WDR59: variants seen among roughly 807,000 people sequenced by gnomAD.
WDR59 encodes the protein GATOR2 complex protein WDR59.
In WDR59, 100 loss-of-function variants were observed where a neutral mutation model predicts 131.2. The observed-to-expected ratio is 0.76, with a 90% confidence interval of 0.65 to 0.90. The LOEUF (loss-of-function observed/expected upper bound fraction) is 0.90. Among genes scored for constraint, WDR59 ranks in the 40% least tolerant of loss-of-function variants. WDR59 has a pLI of 0.00. For missense variants in WDR59, 1,203 were observed against 1,262.2 expected (o/e 0.95, Z 0.71); for synonymous variants, 601 against 466.2 (o/e 1.29, Z -3.72).
chr16:74,909,831 C>G lies in WDR59; in HGVS notation c.1476G>C (p.Glu492Asp), dbSNP rs779702271. Residue 492 changes from glutamate (E) to aspartate (D), a missense_variant, in exon 15 of 26, where the codon GAG (glutamate) becomes GAC (aspartate). Transcript: ENST00000262144. ...GTTTCATGCTTCCCACCACAAAGGA[C>G]TCAAGGCAGGAGACGAGCTGGCGCA... is the stretch of plus-strand genomic sequence containing the variant. The part of the protein sequence containing the change: ...PCLRQLVSCL[E>D]SFVNQEDSAS... The G allele has an allele frequency of 1.2e-6, 2 of 1,612,166 alleles. No individual in the cohort carries two copies. Among genetic ancestry groups the G allele is most frequent in the Non-Finnish European group, 1.7e-6 (2 of 1,179,916 alleles).
chr16:74,959,428 C>G, intron 2 of WDR59: 2 of 387,762 alleles, frequency 5.2e-6, no homozygotes, highest in South Asian at 3.6e-5. Context: ...ATCTCAGTCA[C>G]CGGAGGAAAC....
intron 1 of WDR59, among the ~76,000 whole-genome samples, chr16:74,983,161 A>G (rs1285814180): frequency 6.6e-6 from 1 of 152,166 alleles, no homozygotes; most frequent in Non-Finnish European, 1.5e-5. Flanking sequence ...TGGGCAACAC[A>G]AAGAGACTCT....
intron 8 of WDR59, among the ~76,000 whole-genome samples, chr16:74,932,752 G>A (rs756509555): frequency 6.6e-6 from 1 of 152,156 alleles, no homozygotes; most frequent in Non-Finnish European, 1.5e-5. Context: ...GACTCCCAAA[G>A]TGCTGGGATT....
intron 25 of WDR59, among the ~76,000 whole-genome samples, chr16:74,885,296 C>T (rs1175615132): frequency 6.6e-6 from 1 of 151,550 alleles, no homozygotes; most frequent in East Asian, 1.9e-4. Flanking sequence ...ACTAAAAGCA[C>T]AAAAATTAGC....
chr16:74,954,216 T>C (rs886856040), intron 3 of WDR59, among the ~76,000 whole-genome samples: 5 of 151,966 alleles, frequency 3.3e-5, no homozygotes, highest in South Asian at 2.1e-4. Flanking sequence ...TGAGACCAGC[T>C]GGACCAACAC....
At chr16:74,944,884 G>C (rs1173748776) in intron 6 of WDR59, among the ~76,000 whole-genome samples, 1 of 152,148 alleles carries the variant, frequency 6.6e-6, no homozygotes, top group Non-Finnish European at 1.5e-5. Context: ...CCAGCACTTT[G>C]GGAGGCCGAG....
rs943862614 is a variant in WDR59 at position 74,888,388 on chromosome 16, A to T, written c.2196-69T>A. The T allele has an allele frequency of 1.4e-5, 21 of 1,492,482 alleles. No homozygotes were observed. In the African/African-American group the frequency reaches 2.4e-4, roughly 17 times the overall value. 92.5% of individuals were successfully genotyped at this position (1,492,482 alleles called of 1,614,324 possible). On this transcript the variant is annotated intron_variant, in intron 21 of 25. Coordinates refer to ENST00000262144, the MANE Select transcript of WDR59 (RefSeq NM_030581.4). ...ATTGAGGAGGAAAGCGGTCACAGTC[A>T]TGGCGTGTTACTGCCACAGGGGTGG...
intron 3 of WDR59, among the ~76,000 whole-genome samples, chr16:74,951,988 G>A (rs1036544275): frequency 2.1e-5 from 3 of 142,726 alleles, no homozygotes; most frequent in Non-Finnish European, 4.6e-5. Flanking sequence ...ACAGGTTTTT[G>A]TTTTTTTTTT....
At chr16:74,970,508 A>AAAAAAAAAAAAAAAAAAAAAAAAAAAC (rs2033939748) in intron 1 of WDR59, among the ~76,000 whole-genome samples, 1 of 40,576 alleles carries the variant, frequency 2.5e-5, no homozygotes, top group Admixed American at 2.1e-4. Context: ...AAAAAAAAAA[A>AAAAAAAAAAAAAAAAAAAAAAAAAAAC]AAAAAAAAAA....
chr16:74,974,138 C>G (rs1301337719), intron 1 of WDR59, among the ~76,000 whole-genome samples: 2 of 152,140 alleles, frequency 1.3e-5, no homozygotes, highest in Non-Finnish European at 2.9e-5. Flanking sequence ...CCACTGCACT[C>G]CAACATGGGC....
chr16:74,971,050 A>C (rs1346183426), intron 1 of WDR59, among the ~76,000 whole-genome samples: 1 of 152,026 alleles, frequency 6.6e-6, no homozygotes, highest in Non-Finnish European at 1.5e-5. Context: ...CCCTGTCTAA[A>C]AAAAAAGCCA....
chr16:74,941,459 C>A (rs557828821), intron 7 of WDR59, among the ~76,000 whole-genome samples: 28 of 151,882 alleles, frequency 1.8e-4, no homozygotes, highest in African/African-American at 5.8e-4. Flanking sequence ...TTTGGGAGGC[C>A]GAGGTGGGCA....
At chr16:74,962,457 T>A (rs1344290542) in intron 2 of WDR59, among the ~76,000 whole-genome samples, 1 of 152,192 alleles carries the variant, frequency 6.6e-6, no homozygotes, top group Non-Finnish European at 1.5e-5. Context: ...CTCTCTGATT[T>A]CCTTGTACAG....
chr16:74,877,357 A>T (rs941345796), intron 25 of WDR59, among the ~76,000 whole-genome samples: 2 of 152,194 alleles, frequency 1.3e-5, no homozygotes, highest in African/African-American at 4.8e-5. Context: ...TGACGAAGAA[A>T]ATGTCAAATG....
chr16:74,975,785 G>C (rs943251061), intron 1 of WDR59, among the ~76,000 whole-genome samples: 1 of 151,980 alleles, frequency 6.6e-6, no homozygotes, highest in South Asian at 2.1e-4. Context: ...TCTTAACACA[G>C]TCTGGCACGA....
intron 1 of WDR59, among the ~76,000 whole-genome samples, chr16:74,968,282 G>C (rs1381484016): frequency 1.3e-5 from 2 of 152,172 alleles, no homozygotes; most frequent in Admixed American, 1.3e-4. Flanking sequence ...AGATTAAAAG[G>C]GTGAGAGATT....
chr16:74,913,086 C>G (rs1300794501), intron 13 of WDR59, among the ~76,000 whole-genome samples: 1 of 146,626 alleles, frequency 6.8e-6, no homozygotes, highest in Non-Finnish European at 1.5e-5. Flanking sequence ...GGGGGGGGGC[C>G]TGTTCCCAAC....
At chr16:74,892,620 A>T in intron 19 of WDR59, 55 bp from the exon 20 acceptor site, 1 of 1,368,178 alleles carries the variant, frequency 7.3e-7, no homozygotes, top group South Asian at 1.2e-5. Context: ...TTCCCAAATC[A>T]ACGACTCCCA....
chr16:74,874,556 T>G, intron 25 of WDR59, 112 bp from the exon 26 acceptor site: 2 of 812,692 alleles, frequency 2.5e-6, no homozygotes, highest in Non-Finnish European at 3.9e-6. Context: ...CTCTAGCAGA[T>G]TCTCTTAGAC....
Sources: allele counts gnomAD v4.1 joint callset (sites outside exome capture counted in the v4.1 genomes callset), GRCh38; gene constraint gnomAD v4.1.1; transcripts MANE v1.5; gene names NCBI Gene and HGNC (gene_info 2026-07-23, HGNC 2026-07-21).